The following CADPS2 variants were observed in gnomAD, a reference collection of about 807,000 sequenced individuals.
The protein encoded by CADPS2 is calcium-dependent secretion activator 2.
CADPS2 carries 93 observed loss-of-function variants against 172.5 expected under a neutral mutation model. The observed-to-expected ratio is 0.54, with a 90% CI of 0.46 to 0.64. The LOEUF (loss-of-function observed/expected upper bound fraction) is 0.64. Ranked by LOEUF, CADPS2 falls within the 30% of genes least tolerant of loss-of-function variation. The pLI, the probability that CADPS2 is intolerant of heterozygous loss-of-function variation, is 0.00. For missense variants in CADPS2, 1,420 were observed against 1,565.9 expected, an observed-to-expected ratio of 0.91 and a Z score of 1.57; for synonymous variants, 546 against 555.2, an observed-to-expected ratio of 0.98 and a Z score of 0.23.
chr7:122,392,456 G>GA (rs1385168560), intron 22 of CADPS2, among the ~76,000 whole-genome samples: 1 of 151,608 alleles, frequency 6.6e-6, no homozygotes, highest in East Asian at 1.9e-4. Context: ...TAGAGTTGAG[G>GA]AAAAAACTCA....
At chr7:122,859,087 A>G (rs777489610) in intron 1 of CADPS2, among the ~76,000 whole-genome samples, 3 of 152,196 alleles carry the variant, frequency 2.0e-5, no homozygotes, top group Non-Finnish European at 4.4e-5. Flanking sequence ...CTCAAAAGTT[A>G]CTTTTCAGAA....
At chr7:122,806,989 C>A (rs1798921791) in intron 1 of CADPS2, among the ~76,000 whole-genome samples, 1 of 152,184 alleles carries the variant, frequency 6.6e-6, no homozygotes. Flanking sequence ...AGTAAGCATT[C>A]CTCCTTTGCA....
At chr7:122,745,039 T>C (rs1325320626) in intron 1 of CADPS2, among the ~76,000 whole-genome samples, 2 of 151,952 alleles carry the variant, frequency 1.3e-5, no homozygotes, top group Non-Finnish European at 2.9e-5. Flanking sequence ...ATACAAAGTA[T>C]ACAATGTTTT....
At chr7:122,663,032 A>G (rs2080780993) in intron 3 of CADPS2, among the ~76,000 whole-genome samples, 1 of 152,244 alleles carries the variant, frequency 6.6e-6, no homozygotes, top group Non-Finnish European at 1.5e-5. Flanking sequence ...CTGGATAAGA[A>G]GTACTGATAT....
At chr7:122,558,340 C>T (rs534755083) in intron 7 of CADPS2, among the ~76,000 whole-genome samples, 3 of 152,170 alleles carry the variant, frequency 2.0e-5, no homozygotes, top group East Asian at 1.9e-4. Flanking sequence ...ATCCTAAATT[C>T]GCATTTAAAT....
chr7:122,483,004 A>G (rs921739515), intron 11 of CADPS2, among the ~76,000 whole-genome samples: 1 of 152,344 alleles, frequency 6.6e-6, no homozygotes, highest in South Asian at 2.1e-4. Flanking sequence ...ATAAAAGCTC[A>G]TAATTCACAG....
At chr7:122,502,578 T>C (rs971139463) in intron 9 of CADPS2, among the ~76,000 whole-genome samples, 2 of 152,094 alleles carry the variant, frequency 1.3e-5, no homozygotes, top group Non-Finnish European at 2.9e-5. Flanking sequence ...CCTGTTTTAT[T>C]GTTCCATTCA....
chr7:122,763,714 T>A, intron 1 of CADPS2, among the ~76,000 whole-genome samples: 1 of 152,262 alleles, frequency 6.6e-6, no homozygotes, highest in African/African-American at 2.4e-5. Flanking sequence ...TCTGGAGAAC[T>A]TTGATAATTC....
intron 2 of CADPS2, chr7:122,698,291 T>C (rs1403114177): frequency 6.2e-7 from 1 of 1,614,052 alleles, no homozygotes. Flanking sequence ...AGTCTATGAA[T>C]GTGATAAAAG....
rs181845212 is a variant in CADPS2 at position 122,681,625 on chromosome 7, C to T, written c.454-18056G>A. 1.8e-4 allele frequency: 270 copies of T among 1,469,286 alleles called. 1 individual carries two copies. The highest frequency in any genetic ancestry group is 1.1e-3 in the African/African-American group (81 of 72,048). The allele number at this position is 1,469,286 out of a possible 1,614,324, so 91.0% of individuals were successfully genotyped here. Reference sequence around the variant, plus strand: ...ACACCCCCACCCAGATTTAGACCTGCGGGTGCTGCCCCACGTCCCCCACCA... The same window carrying T: ...ACACCCCCACCCAGATTTAGACCTGTGGGTGCTGCCCCACGTCCCCCACCA... On this transcript the variant is annotated intron_variant, in intron 2 of 29. Transcript: ENST00000449022.
chr7:122,878,573 G>A (rs1821946812), intron 1 of CADPS2, among the ~76,000 whole-genome samples: 1 of 151,532 alleles, frequency 6.6e-6, no homozygotes. Flanking sequence ...CCAGGAGGTG[G>A]AGCTTGCAGT....
chr7:122,327,833 T>C (rs1003231768), intron 28 of CADPS2, among the ~76,000 whole-genome samples: 2 of 152,046 alleles, frequency 1.3e-5, no homozygotes, highest in African/African-American at 4.8e-5. Context: ...AAAAGAGAAC[T>C]ATTATTAAGT....
chr7:122,558,617 G>C (rs1464901591), intron 7 of CADPS2, among the ~76,000 whole-genome samples: 1 of 152,006 alleles, frequency 6.6e-6, no homozygotes, highest in African/African-American at 2.4e-5. Context: ...GGATTTTTAG[G>C]ATTTGTTAAA....
chr7:122,585,979 A>T lies in CADPS2; in HGVS notation c.1224-4689T>A, dbSNP rs2069617590. 2.0e-5 allele frequency among the ~76,000 whole-genome samples: 3 copies of T among 152,128 alleles called. No homozygotes were observed. In the South Asian group the frequency reaches 6.2e-4, roughly 32 times the overall value. On this transcript the variant is annotated intron_variant, in intron 6 of 29. Coordinates refer to ENST00000449022, the MANE Select transcript of CADPS2 (RefSeq NM_017954.11). Reference sequence around the variant, plus strand: ...AAGTATTAAAAAGAGTCTAAGCAGAAACATTCATGACAGCATTATGTATAA... The same window carrying T: ...AAGTATTAAAAAGAGTCTAAGCAGATACATTCATGACAGCATTATGTATAA...
chr7:122,568,041 T>C (rs942808068), intron 7 of CADPS2, among the ~76,000 whole-genome samples: 2 of 152,086 alleles, frequency 1.3e-5, no homozygotes, highest in African/African-American at 4.8e-5. Context: ...AGAAATATAG[T>C]CTAAGTGTAA....
chr7:122,700,749 G>A (rs527924710), intron 2 of CADPS2, among the ~76,000 whole-genome samples: 115 of 152,258 alleles, frequency 7.6e-4, no homozygotes, highest in Non-Finnish European at 1.2e-3. Flanking sequence ...GAGAGGAAAA[G>A]AGAAGCATTT....
chr7:122,497,448 A>G (rs1254172639), intron 9 of CADPS2, among the ~76,000 whole-genome samples: 3 of 152,218 alleles, frequency 2.0e-5, no homozygotes, highest in East Asian at 3.9e-4. Context: ...TAGAAACTAT[A>G]TATTTCTTTT....
At chr7:122,751,818 C>T (rs2092964122) in intron 1 of CADPS2, among the ~76,000 whole-genome samples, 2 of 152,178 alleles carry the variant, frequency 1.3e-5, no homozygotes, top group African/African-American at 4.8e-5. Context: ...GTAACTCAGG[C>T]TATGGTATAT....
intron 1 of CADPS2, among the ~76,000 whole-genome samples, chr7:122,801,012 A>T (rs1797527846): frequency 6.6e-6 from 1 of 150,802 alleles, no homozygotes; most frequent in Admixed American, 6.6e-5. Context: ...AAAAAAAGAA[A>T]ATTCAAGTGA....
Sources: gnomAD v4.1 joint callset for allele counts (sites outside exome capture counted in the v4.1 genomes callset) on GRCh38, gnomAD v4.1.1 for gene constraint, MANE v1.5 for transcripts, NCBI Gene and HGNC (gene_info 2026-07-23, HGNC 2026-07-21) for gene names.